The following FANK1 variants were observed in gnomAD, a reference collection of about 807,000 sequenced individuals.
FANK1 encodes the protein fibronectin type III and ankyrin repeat domains 1.
Under a neutral mutation model 45.3 loss-of-function variants are expected in FANK1, and 44 were observed. The observed-to-expected ratio is 0.97, with a 90% CI of 0.76 to 1.25. The LOEUF (loss-of-function observed/expected upper bound fraction) is 1.25. Among genes scored for constraint, FANK1 ranks in the 50% most tolerant of loss-of-function variants. The probability of loss-of-function intolerance (pLI) is 0.00; values close to 1 mark genes in which losing one functional copy is unlikely to be tolerated. For synonymous variants in FANK1, 149 were observed against 152.5 expected (o/e 0.98, Z 0.17); for missense variants, 391 against 424.4 (o/e 0.92, Z 0.69).
In FANK1 at chr10:126,005,008, C is replaced by T; in HGVS notation, c.664C>T (p.His222Tyr). 8 of 1,614,122 alleles carry T rather than the reference C, an allele frequency of 5.0e-6. No homozygotes were observed. The highest frequency in any genetic ancestry group is 6.8e-6 in the Non-Finnish European group (8 of 1,180,024). Residue 222 changes from histidine to tyrosine, a missense_variant, in exon 7 of 11, where the codon CAC becomes TAC. By Grantham distance (83) the His-to-Tyr change is moderately conservative (BLOSUM62 2). Coordinates refer to ENST00000368693, the MANE Select transcript of FANK1 (RefSeq NM_145235.5). ...TCTGCACTGGGCTGCAGATGGAGGCCACTGCAGTGTGATTGAGTGGATGAT... is the reference window on the plus strand; with the variant it reads ...TCTGCACTGGGCTGCAGATGGAGGCTACTGCAGTGTGATTGAGTGGATGAT... ...TALHWAADGG[H>Y]CSVIEWMIKD...
Position 125,990,372 on chromosome 10 carries a change from G to C in FANK1, c.316+1697G>C, listed in dbSNP as rs150880270. Among the ~76,000 whole-genome samples the C allele has an allele frequency of 5.1e-3, 774 of 152,190 alleles. 5 individuals are homozygous for C. Among genetic ancestry groups the C allele is most frequent in the African/African-American group, 0.018 (731 of 41,522 alleles). On this transcript the variant is annotated intron_variant, in intron 3 of 10. Transcript: ENST00000368693. The stretch of plus-strand genomic sequence containing the variant: ...TGGCACCACTGCACTCTCCAGCCTG[G>C]GCAACAGAGCAGGACCCTTTCTTTA...
intron 8 of FANK1, 62 bp from the exon 9 acceptor site, chr10:126,008,992 C>G (rs1953450289): frequency 6.6e-7 from 1 of 1,524,648 alleles, no homozygotes; most frequent in Non-Finnish European, 9.1e-7. Context: ...GGCTCATGCC[C>G]CCTGCTGTGT....
chr10:125,951,052 A>G (rs12784377), intron 1 of FANK1, among the ~76,000 whole-genome samples: 43,073 of 131,916 alleles, frequency 0.33, 7,042 homozygotes, highest in East Asian at 0.45. Flanking sequence ...ATGAGATCAC[A>G]TGGACACAGG....
chr10:125,933,326 G>A (rs186468775), intron 1 of FANK1, among the ~76,000 whole-genome samples: 2 of 152,098 alleles, frequency 1.3e-5, no homozygotes, highest in African/African-American at 4.8e-5. Context: ...TTATTGGTCT[G>A]TTCAGGGTAT....
At chr10:126,007,481 C>A (rs1199208925) in intron 7 of FANK1, among the ~76,000 whole-genome samples, 1 of 152,182 alleles carries the variant, frequency 6.6e-6, no homozygotes, top group African/African-American at 2.4e-5. Flanking sequence ...AGAAGAGCTG[C>A]AAATCCAAAT....
chr10:125,920,590 T>C (rs1946874882), intron 1 of FANK1, among the ~76,000 whole-genome samples: 1 of 152,228 alleles, frequency 6.6e-6, no homozygotes, highest in Non-Finnish European at 1.5e-5. Flanking sequence ...AGCATTGATA[T>C]AAATTGTTAA....
At position 125,992,834 on chromosome 10, in the gene FANK1, C is replaced by T. The variant is rs149377741; in HGVS notation, c.317-2583C>T. On this transcript the variant is annotated intron_variant, in intron 3 of 10. Transcript: ENST00000368693. ...TCCTTAACATCTCAAGCAGTTAGCA[C>T]GTTTTGGAAGATTTTTAGGCATCCC... Among the ~76,000 whole-genome samples the T allele has an allele frequency of 8.6e-4, 130 of 152,046 alleles. 2 individuals are homozygous for T. In the East Asian group the frequency reaches 0.023, roughly 27 times the overall value.
At chr10:125,914,105 T>C (rs1413423203) in intron 1 of FANK1, among the ~76,000 whole-genome samples, 1 of 152,124 alleles carries the variant, frequency 6.6e-6, no homozygotes, top group African/African-American at 2.4e-5. Context: ...CTAAACTTTC[T>C]AAGTACTCAT....
chr10:125,958,434 G>T lies in FANK1; in HGVS notation c.14-21727G>T, dbSNP rs561389613. ...AAGCAGGCATGTCTTACGGGGTTTC[G>T]CCATGTTGGCCAGGCTAGGTCTCGA... On this transcript the variant is annotated intron_variant, in intron 1 of 10. Coordinates refer to ENST00000368693, the MANE Select transcript of FANK1 (RefSeq NM_145235.5). 1.1e-4 allele frequency among the ~76,000 whole-genome samples: 17 copies of T among 152,200 alleles called. No homozygotes were observed. The South Asian group carries it at 1.2e-3, about 11-fold the overall frequency.
intron 1 of FANK1, among the ~76,000 whole-genome samples, chr10:125,916,557 G>A (rs1946462695): frequency 6.6e-6 from 1 of 151,964 alleles, no homozygotes; most frequent in Admixed American, 6.6e-5. Flanking sequence ...GCCAAAGGGT[G>A]GAAGCAAGCC....
At chr10:125,990,883 G>A (rs1045997082) in intron 3 of FANK1, among the ~76,000 whole-genome samples, 2 of 152,154 alleles carry the variant, frequency 1.3e-5, no homozygotes, top group African/African-American at 2.4e-5. Flanking sequence ...CTTCCACGGC[G>A]GCAGGCAAGA....
chr10:125,912,680 C>T (rs1031992149), intron 1 of FANK1, among the ~76,000 whole-genome samples: 3 of 152,054 alleles, frequency 2.0e-5, no homozygotes, highest in Non-Finnish European at 2.9e-5. Flanking sequence ...CTCTGTTGTC[C>T]GGGCTGGAGT....
intron 1 of FANK1, among the ~76,000 whole-genome samples, chr10:125,938,630 G>A (rs1948251555): frequency 6.6e-6 from 1 of 152,158 alleles, no homozygotes; most frequent in African/African-American, 2.4e-5. Context: ...CCAACATGGT[G>A]AAACCTTGTC....
chr10:125,998,742 A>G (rs754996877), intron 6 of FANK1, among the ~76,000 whole-genome samples: 55 of 131,054 alleles, frequency 4.2e-4, no homozygotes, highest in Non-Finnish European at 7.1e-4. Context: ...TGAAATGGAT[A>G]CTTTTTTTCT....
intron 1 of FANK1, among the ~76,000 whole-genome samples, chr10:125,897,837 G>A (rs1036768585): frequency 5.9e-5 from 9 of 151,912 alleles, no homozygotes; most frequent in South Asian, 2.1e-4. Flanking sequence ...CCGCCTTAGA[G>A]AAGTGAGTTG....
Position 125,962,852 on chromosome 10 carries a change from A to G in FANK1, c.14-17309A>G, listed in dbSNP as rs569444364. 6.7e-4 allele frequency among the ~76,000 whole-genome samples: 102 copies of G among 152,220 alleles called. 1 individual carries two copies. Among genetic ancestry groups the G allele is most frequent in the Admixed American group, 6.6e-3 (101 of 15,294 alleles). On this transcript the variant is annotated intron_variant, in intron 1 of 10. Transcript: ENST00000368693. ...TTATTTTTATAAAAATTTTAGATTT[A>G]TAAAGTACAAATATATTTCTCAGAA...
chr10:125,944,732 C>A (rs1348607913), intron 1 of FANK1, among the ~76,000 whole-genome samples: 1 of 152,240 alleles, frequency 6.6e-6, no homozygotes, highest in Admixed American at 6.5e-5. Context: ...GCTCCTGCTG[C>A]AGTTAACTAG....
chr10:125,997,804 G>A (rs892844560), intron 6 of FANK1, among the ~76,000 whole-genome samples: 4 of 152,360 alleles, frequency 2.6e-5, no homozygotes, highest in Middle Eastern at 3.4e-3. Context: ...CGCGCTGGGC[G>A]TGGGTGCAAG....
chr10:125,934,753 TTTTTTTTTG>T (rs1947979323), intron 1 of FANK1, among the ~76,000 whole-genome samples: 5 of 135,462 alleles, frequency 3.7e-5, no homozygotes, highest in African/African-American at 1.2e-4. Context: ...TTTTTTTTTT[TTTTTTTTTG>T]CAAATCACGA....
Sources: allele counts gnomAD v4.1 joint callset (sites outside exome capture counted in the v4.1 genomes callset), GRCh38; gene constraint gnomAD v4.1.1; transcripts MANE v1.5; gene names NCBI Gene and HGNC (gene_info 2026-07-23, HGNC 2026-07-21).